RPF2: variants seen among roughly 807,000 people sequenced by gnomAD.
RPF2 encodes the protein brix domain containing 1.
Under a neutral mutation model 38.9 loss-of-function variants are expected in RPF2, and 21 were observed. The ratio of observed to expected loss-of-function variants is 0.54; its 90% CI spans 0.38 to 0.78. The LOEUF (loss-of-function observed/expected upper bound fraction) is 0.78, where lower values mean the gene tolerates loss of function less well. Among genes scored for constraint, RPF2 ranks in the 30% least tolerant of loss-of-function variants. RPF2 has a pLI of 0.00. For missense variants in RPF2, 314 were observed against 358.1 expected, an observed-to-expected ratio of 0.88 and a Z score of 0.99; for synonymous variants, 121 against 126.2, an observed-to-expected ratio of 0.96 and a Z score of 0.28.
chr6:110,991,119 A>G (rs983352721), intron 3 of RPF2, among the ~76,000 whole-genome samples: 3 of 151,970 alleles, frequency 2.0e-5, no homozygotes, highest in Non-Finnish European at 4.4e-5. Context: ...TAACCCACAC[A>G]CTTCCTCCTG....
intron 6 of RPF2, among the ~76,000 whole-genome samples, chr6:111,003,086 C>T (rs1007912052): frequency 2.1e-5 from 3 of 145,782 alleles, no homozygotes; most frequent in East Asian, 2.1e-4. Flanking sequence ...TTTACCCCCC[C>T]CCCTTTTTTT....
At chr6:110,983,214 C>T (rs902989782) in intron 1 of RPF2, among the ~76,000 whole-genome samples, 3 of 152,176 alleles carry the variant, frequency 2.0e-5, no homozygotes, top group African/African-American at 7.2e-5. Context: ...AGAGGTGAAG[C>T]CCCTCTTTTG....
intron 6 of RPF2, among the ~76,000 whole-genome samples, chr6:111,004,605 G>A (rs9386981): frequency 0.18 from 26,490 of 151,236 alleles, 2,354 homozygotes; most frequent in South Asian, 0.31. Flanking sequence ...GAGTGCAGTG[G>A]TGCTATCTCA....
intron 7 of RPF2, among the ~76,000 whole-genome samples, chr6:111,009,075 A>G (rs1482938790): frequency 6.6e-6 from 1 of 150,928 alleles, no homozygotes; most frequent in Admixed American, 6.6e-5. Flanking sequence ...ATTTCTTTTG[A>G]GACGGAGTCT....
At chr6:111,024,919 C>T (rs1338663806) in intron 9 of RPF2, among the ~76,000 whole-genome samples, 1 of 152,088 alleles carries the variant, frequency 6.6e-6, no homozygotes, top group Non-Finnish European at 1.5e-5. Context: ...TTGTTTGGTA[C>T]ACTGTAAAGG....
chr6:110,986,811 C>G (rs9487567), intron 2 of RPF2, among the ~76,000 whole-genome samples: 53,988 of 151,350 alleles, frequency 0.36, 10,591 homozygotes, highest in East Asian at 0.67. Context: ...AATTAGCCAG[C>G]CATGGTGGTG....
chr6:110,984,032 A>AAAAT (rs578022639), intron 1 of RPF2, among the ~76,000 whole-genome samples: 242 of 152,210 alleles, frequency 1.6e-3, no homozygotes, highest in African/African-American at 4.7e-3. Context: ...CTGTCTCAAA[A>AAAAT]AAATAAATAA....
intron 1 of RPF2, among the ~76,000 whole-genome samples, chr6:110,983,353 T>G (rs923950252): frequency 7.2e-6 from 1 of 139,080 alleles, no homozygotes; most frequent in African/African-American, 2.8e-5. Context: ...TTTAAAAAAT[T>G]TGTTTTTTTT....
intron 6 of RPF2, among the ~76,000 whole-genome samples, chr6:111,003,229 A>C (rs1005725555): frequency 2.0e-5 from 3 of 152,010 alleles, no homozygotes; most frequent in African/African-American, 7.3e-5. Context: ...ACGTTGTGCT[A>C]GATATTTCTT....
chr6:111,017,923 A>G (rs928452049), intron 8 of RPF2, among the ~76,000 whole-genome samples: 5 of 152,080 alleles, frequency 3.3e-5, no homozygotes, highest in African/African-American at 1.2e-4. Context: ...CCTGGGCAAC[A>G]TTGAGCACTG....
intron 8 of RPF2, among the ~76,000 whole-genome samples, chr6:111,019,006 A>G (rs1246302259): frequency 2.0e-5 from 3 of 152,162 alleles, no homozygotes; most frequent in East Asian, 1.9e-4. Flanking sequence ...GCTCGAGGCC[A>G]GGAGTTCAAG....
At chr6:111,010,722 A>T (rs1379150565) in intron 7 of RPF2, among the ~76,000 whole-genome samples, 1 of 152,150 alleles carries the variant, frequency 6.6e-6, no homozygotes, top group Non-Finnish European at 1.5e-5. Flanking sequence ...TGAAAAATTG[A>T]TGGGGTATAA....
rs935389601 is a variant in RPF2, at chr6:110,983,357, T to G, written c.23+1228T>G. ...TTAAATCTAGCTTTAAAAAATTTGT[T>G]TTTTTTTGAGACAGGGTATCACTCT... is the stretch of plus-strand genomic sequence containing the variant. On this transcript the variant is annotated intron_variant, in intron 1 of 9. Transcript: ENST00000441448. 1.5e-4 allele frequency among the ~76,000 whole-genome samples: 13 copies of G among 87,630 alleles called. 1 individual carries two copies. Among genetic ancestry groups the G allele is most frequent in the East Asian group, 1.5e-3 (1 of 656 alleles). 57.5% of individuals were successfully genotyped at this position (87,630 alleles called of 152,430 possible).
chr6:110,987,600 C>T (rs1771545651), intron 2 of RPF2, among the ~76,000 whole-genome samples: 1 of 152,070 alleles, frequency 6.6e-6, no homozygotes, highest in Admixed American at 6.6e-5. Context: ...ATCATGATGA[C>T]TCTGAGTCAT....
chr6:110,982,044 G>C lies in RPF2; in HGVS notation c.-63G>C. On this transcript the variant is annotated 5_prime_UTR_variant, in exon 1 of 10. Transcript: ENST00000441448. ...GCAGCTTCCGGTTCCGCCTGTTCCG[G>C]CGCACGTAATCGCCGAGGGCACGTG... 1 of 1,598,154 alleles carries C rather than the reference G, an allele frequency of 6.3e-7. No individual in the cohort carries two copies. The highest frequency in any genetic ancestry group is 1.7e-5 in the Admixed American group (1 of 59,984).
intron 6 of RPF2, among the ~76,000 whole-genome samples, chr6:111,001,068 G>A (rs1771805022): frequency 1.3e-5 from 2 of 152,158 alleles, no homozygotes; most frequent in Non-Finnish European, 2.9e-5. Context: ...GTTCTTACCA[G>A]ATCCCTATTT....
intron 7 of RPF2, among the ~76,000 whole-genome samples, chr6:111,009,948 C>T (rs117936455): frequency 0.015 from 2,355 of 152,104 alleles, 32 homozygotes; most frequent in Non-Finnish European, 0.024. Context: ...GCTGGGATTA[C>T]AGGTGTGAGC....
intron 5 of RPF2, among the ~76,000 whole-genome samples, chr6:110,998,221 C>T (rs1293762106): frequency 6.6e-6 from 1 of 150,628 alleles, no homozygotes; most frequent in Non-Finnish European, 1.5e-5. Context: ...CTTGATTTTT[C>T]CTTGGGATGA....
intron 8 of RPF2, among the ~76,000 whole-genome samples, chr6:111,017,747 G>C (rs1452038522): frequency 6.7e-6 from 1 of 149,476 alleles, no homozygotes; most frequent in African/African-American, 2.5e-5. Context: ...CCGGGCAGAG[G>C]GGCTCCTCAC....
Sources: gnomAD v4.1 joint callset for allele counts (sites outside exome capture counted in the v4.1 genomes callset) on GRCh38, gnomAD v4.1.1 for gene constraint, MANE v1.5 for transcripts, NCBI Gene and HGNC (gene_info 2026-07-23, HGNC 2026-07-21) for gene names.